The following CYP2C19 variants were observed in gnomAD, a reference collection of about 807,000 sequenced individuals.
CYP2C19 encodes cytochrome P450 family 2 subfamily C member 19, also known as cytochrome P450 2C19.
CYP2C19 carries 59 observed loss-of-function variants against 40.9 expected under a neutral mutation model. The observed-to-expected ratio is 1.44, with a 90% CI of 1.17 to 1.79. The LOEUF is 1.79. Ranked by LOEUF, CYP2C19 falls within the 40% of genes most tolerant of loss-of-function variation. CYP2C19 has a pLI of 0.00. For synonymous variants in CYP2C19, 253 were observed against 208.7 expected, an observed-to-expected ratio of 1.21 and a Z score of -1.83; for missense variants, 754 against 596.9, an observed-to-expected ratio of 1.26 and a Z score of -2.74.
chr10:94,783,391 G>A (rs2134241357), intron 5 of CYP2C19, among the ~76,000 whole-genome samples: 1 of 152,126 alleles, frequency 6.6e-6, no homozygotes, highest in East Asian at 1.9e-4. Flanking sequence ...GTGTAGAGGT[G>A]TGTGATGGAA....
At chr10:94,828,887 T>A (rs1564678774) in intron 6 of CYP2C19, among the ~76,000 whole-genome samples, 1 of 152,084 alleles carries the variant, frequency 6.6e-6, no homozygotes, top group South Asian at 2.1e-4. Flanking sequence ...AGCATTTGCT[T>A]GTCTGTAAAG....
intron 1 of CYP2C19, among the ~76,000 whole-genome samples, chr10:94,769,054 G>A (rs1008332131): frequency 2.0e-5 from 3 of 152,124 alleles, no homozygotes; most frequent in Non-Finnish European, 4.4e-5. Context: ...TTAGGGTGAG[G>A]ATAAGCCAGT....
intron 5 of CYP2C19, among the ~76,000 whole-genome samples, chr10:94,808,158 T>C (rs1454575130): frequency 6.6e-6 from 1 of 152,154 alleles, no homozygotes; most frequent in Non-Finnish European, 1.5e-5. Context: ...TGGTGCCTTG[T>C]CAATAATGTT....
At chr10:94,814,166 C>T (rs2264932) in intron 5 of CYP2C19, among the ~76,000 whole-genome samples, 3,938 of 142,148 alleles carry the variant, frequency 0.028, 100 homozygotes, top group Admixed American at 0.051. Context: ...GTTGGAAATG[C>T]AGAAATCACC....
At chr10:94,777,315 T>A (rs1848421172) in intron 3 of CYP2C19, among the ~76,000 whole-genome samples, 1 of 152,132 alleles carries the variant, frequency 6.6e-6, no homozygotes, top group South Asian at 2.1e-4. Context: ...AAATTTCATA[T>A]GGAACCAAAA....
At chr10:94,837,067 C>T (rs1193211556) in intron 6 of CYP2C19, among the ~76,000 whole-genome samples, 1 of 152,114 alleles carries the variant, frequency 6.6e-6, no homozygotes, top group Non-Finnish European at 1.5e-5. Flanking sequence ...CCTTAAGGTC[C>T]AGGACTGTAA....
rs1848740940 is a variant in CYP2C19 at position 94,799,925 on chromosome 10, GCTTT to G, written c.819+17932_819+17935del. Among the ~76,000 whole-genome samples, 3 of 151,946 alleles carry G rather than the reference GCTTT, an allele frequency of 2.0e-5. No individual in the cohort carries two copies. In the East Asian group the frequency reaches 5.8e-4, roughly 29 times the overall value. On this transcript the variant is annotated intron_variant, in intron 5 of 8. Transcript: ENST00000371321. The stretch of plus-strand genomic sequence containing the variant: ...TCTAACCTTTTTTTCAAGGTTTTTA[GCTTT>G]CTTATGATGCGTTAGAACATGCTCC...
chr10:94,777,096 G>A (rs1848417899), intron 3 of CYP2C19, among the ~76,000 whole-genome samples: 1 of 152,108 alleles, frequency 6.6e-6, no homozygotes, highest in Non-Finnish European at 1.5e-5. Flanking sequence ...ACTTAAAAGG[G>A]ATGTGAAAGA....
intron 7 of CYP2C19, among the ~76,000 whole-genome samples, chr10:94,843,925 G>C (rs922365938): frequency 2.0e-5 from 3 of 152,144 alleles, no homozygotes; most frequent in Non-Finnish European, 4.4e-5. Context: ...TTCTTTATCA[G>C]ATTAGGGAAG....
intron 5 of CYP2C19, among the ~76,000 whole-genome samples, chr10:94,795,551 C>T (rs1194439595): frequency 2.7e-5 from 4 of 150,552 alleles, no homozygotes; most frequent in South Asian, 2.1e-4. Context: ...ATGGTATTTC[C>T]AGTTCTATAT....
In CYP2C19 at chr10:94,780,553, G is replaced by A; in HGVS notation, c.536G>A (p.Cys179Tyr). 6.2e-7 allele frequency: 1 copy of A among 1,613,864 alleles called. No homozygotes were observed. ...ILGCAPCNVICSIIFQKRFDY... is the reference protein window; with the variant it reads ...ILGCAPCNVIYSIIFQKRFDY... ...GGCTGTGCTCCCTGCAATGTGATCTGCTCCATTATTTTCCAGAAACGTTTC... is the reference window on the plus strand; with the variant it reads ...GGCTGTGCTCCCTGCAATGTGATCTACTCCATTATTTTCCAGAAACGTTTC... The change falls in exon 4 of 9, where the codon TGC becomes TAC. Residue 179 changes from cysteine (C) to tyrosine (Y), a missense_variant. Coordinates refer to ENST00000371321, the MANE Select transcript of CYP2C19 (RefSeq NM_000769.4).
chr10:94,821,019 G>A (rs1589367299), intron 6 of CYP2C19, among the ~76,000 whole-genome samples: 1 of 152,246 alleles, frequency 6.6e-6, no homozygotes, highest in East Asian at 1.9e-4. Context: ...GGTGGTGGAG[G>A]TTGCAGTGAG....
At position 94,833,939 on chromosome 10, in the gene CYP2C19, A is replaced by G. The variant is rs112880377; in HGVS notation, c.962-8898A>G. Among the ~76,000 whole-genome samples the G allele has an allele frequency of 2.4e-3, 366 of 152,262 alleles. 1 individual carries two copies. The highest frequency in any genetic ancestry group is 7.7e-3 in the African/African-American group (319 of 41,548). ...GAGGATTGTTGCATCAGTATTCATC[A>G]GGTGTATTGGCCTGTAGTTTTCTTT... On this transcript the variant is annotated intron_variant, in intron 6 of 8. Transcript: ENST00000371321.
chr10:94,811,817 T>C (rs946614345), intron 5 of CYP2C19, among the ~76,000 whole-genome samples: 23 of 152,042 alleles, frequency 1.5e-4, no homozygotes, highest in African/African-American at 5.6e-4. Flanking sequence ...TTGATGGGTC[T>C]TGACTCTATC....
At position 94,843,040 on chromosome 10, in the gene CYP2C19, C is replaced by T. The variant is rs1564683648; in HGVS notation, c.1149+16C>T. 2.5e-6 allele frequency: 4 copies of T among 1,613,052 alleles called. No homozygotes were observed. The highest frequency in any genetic ancestry group is 3.4e-6 in the Non-Finnish European group (4 of 1,178,982). ...CATTCCCAAGGTAAGTTTGTTTCTC[C>T]TACACTGCAACTCCATGTTCTTTTA... On this transcript the variant is annotated intron_variant, in intron 7 of 8. Coordinates refer to ENST00000371321, the MANE Select transcript of CYP2C19 (RefSeq NM_000769.4).
intron 8 of CYP2C19, 63 bp downstream of exon 8, chr10:94,850,121 A>G (rs1003506939): frequency 1.1e-5 from 18 of 1,576,160 alleles, no homozygotes; most frequent in East Asian, 2.2e-5. Context: ...ATCAGTTGGA[A>G]CTTACATGTG....
intron 5 of CYP2C19, among the ~76,000 whole-genome samples, chr10:94,791,628 G>A (rs1392471686): frequency 6.6e-6 from 1 of 152,122 alleles, no homozygotes; most frequent in Non-Finnish European, 1.5e-5. Context: ...TATTTACCCA[G>A]TAGTCATTCA....
intron 7 of CYP2C19, among the ~76,000 whole-genome samples, chr10:94,844,162 C>G (rs764642560): frequency 1.6e-4 from 25 of 152,094 alleles, no homozygotes; most frequent in Non-Finnish European, 1.6e-4. Flanking sequence ...TTACTGCCTC[C>G]CCGTCTCCAC....
Position 94,820,619 on chromosome 10 carries a change from A to G in CYP2C19, c.943A>G (p.Lys315Glu). The stretch of plus-strand genomic sequence containing the variant: ...GAGATATGCTCTCCTTCTCCTGCTG[A>G]AGCACCCAGAGGTCACAGGTATGAT... ...TLRYALLLLLKHPEVTAKVQE... is the reference protein window; with the variant it reads ...TLRYALLLLLEHPEVTAKVQE... The change falls in exon 6 of 9, where the codon AAG (lysine) becomes GAG (glutamate). Residue 315 changes from lysine to glutamate, a missense_variant. Transcript: ENST00000371321. 1 of 1,614,204 alleles carries G rather than the reference A, an allele frequency of 6.2e-7. No individual in the cohort carries two copies. The highest frequency in any genetic ancestry group is 1.1e-5 in the South Asian group (1 of 91,090).
Sources: allele counts gnomAD v4.1 joint callset (sites outside exome capture counted in the v4.1 genomes callset), GRCh38; gene constraint gnomAD v4.1.1; transcripts MANE v1.5; gene names NCBI Gene and HGNC (gene_info 2026-07-23, HGNC 2026-07-21).